Variants in GLI3 observed in about 807,000 individuals in gnomAD.
GLI3 encodes the protein GLI family zinc finger 3, also known as transcription activator GLI3.
GLI3 carries 20 observed loss-of-function variants against 100.8 expected under a neutral mutation model. That is an observed-to-expected ratio of 0.20 (90% CI 0.14 to 0.29). GLI3 has a LOEUF of 0.29. Among genes scored for constraint, GLI3 ranks in the 10% least tolerant of loss-of-function variants. The pLI is 1.00. For missense variants in GLI3, 2,040 were observed against 2,128.5 expected (o/e 0.96, Z 0.82); for synonymous variants, 938 against 860.5 (o/e 1.09, Z -1.58).
chr7:42,073,067 C>T (rs1311186939), intron 4 of GLI3, among the ~76,000 whole-genome samples: 1 of 152,184 alleles, frequency 6.6e-6, no homozygotes, highest in African/African-American at 2.4e-5. Context: ...AGGAATTGTA[C>T]ATTTTATAAC....
At chr7:42,211,236 G>C (rs1430727757) in intron 2 of GLI3, among the ~76,000 whole-genome samples, 1 of 151,796 alleles carries the variant, frequency 6.6e-6, no homozygotes, top group Non-Finnish European at 1.5e-5. Flanking sequence ...TTGTCAGAGG[G>C]CACATGTTTT....
chr7:42,184,489 T>A (rs1787679975), intron 2 of GLI3, among the ~76,000 whole-genome samples: 1 of 152,238 alleles, frequency 6.6e-6, no homozygotes, highest in South Asian at 2.1e-4. Context: ...GCGGGCCTGC[T>A]CTTCCTACAG....
At chr7:42,107,033 GTGTCAGGTGT>G (rs1785592630) in intron 3 of GLI3, among the ~76,000 whole-genome samples, 1 of 152,150 alleles carries the variant, frequency 6.6e-6, no homozygotes. Flanking sequence ...ACACAAAATT[GTGTCAGGTGT>G]GGCGGCTCAC....
rs1348941856 is a variant in GLI3 at position 41,967,725 on chromosome 7, T to G, written c.2302A>C (p.Asn768His). 1.9e-6 allele frequency: 3 copies of G among 1,614,228 alleles called. No homozygotes were observed. Among genetic ancestry groups the G allele is most frequent in the Non-Finnish European group, 2.5e-6 (3 of 1,180,036 alleles). The change falls in exon 14 of 15, where the codon AAC (asparagine) becomes CAC (histidine). Residue 768 changes from asparagine to histidine, a missense_variant. By Grantham distance (68) the Asn-to-His change is moderately conservative. Around this residue, in one of 5 missense-constraint regions of GLI3, gnomAD observed 327 missense variants for 338.7 expected, o/e 0.97. Transcript: ENST00000395925. ...TCCATCCATTTGGTCCCTGCCGGGT[T>G]TCTCCTGGCTTGCAAAGCAAGGGCT... ...TTALALQARR[N>H]PAGTKWMEHV... is the part of the protein sequence containing the mutation.
At chr7:42,198,400 G>A (rs1342222618) in intron 2 of GLI3, among the ~76,000 whole-genome samples, 6 of 152,250 alleles carry the variant, frequency 3.9e-5, no homozygotes, top group East Asian at 3.9e-4. Flanking sequence ...GAGCACAAGC[G>A]AGAAAACACT....
At chr7:42,206,562 A>G (rs983704190) in intron 2 of GLI3, among the ~76,000 whole-genome samples, 1 of 152,192 alleles carries the variant, frequency 6.6e-6, no homozygotes, top group African/African-American at 2.4e-5. Flanking sequence ...CACTTCATAC[A>G]TATGAATTCA....
chr7:42,126,235 A>G (rs1786128111), intron 3 of GLI3, among the ~76,000 whole-genome samples: 1 of 152,212 alleles, frequency 6.6e-6, no homozygotes, highest in Non-Finnish European at 1.5e-5. Flanking sequence ...ATTTGAGGAG[A>G]AGGAAAACTG....
chr7:42,009,975 T>C (rs980096811), intron 10 of GLI3, among the ~76,000 whole-genome samples: 1 of 152,232 alleles, frequency 6.6e-6, no homozygotes, highest in African/African-American at 2.4e-5. Context: ...TCCACATATT[T>C]ACTTTCTTTC....
At chr7:42,182,703 TAC>T (rs1185017451) in intron 2 of GLI3, among the ~76,000 whole-genome samples, 1 of 104,234 alleles carries the variant, frequency 9.6e-6, no homozygotes, top group African/African-American at 4.8e-5. Flanking sequence ...TATATATATA[TAC>T]ACACATATAA....
At position 41,966,876 on chromosome 7, in the gene GLI3, CAG is replaced by C. The variant is rs554443484; in HGVS notation, c.2432-237_2432-236del. Among the ~76,000 whole-genome samples, 12 of 152,094 alleles carry C rather than the reference CAG, an allele frequency of 7.9e-5. No individual in the cohort carries two copies. The highest frequency in any genetic ancestry group is 1.4e-4 in the African/African-American group (6 of 41,478). ...GTCCATGAAGCTTCCTTTACAAAAA[CAG>C]GGGCGGCTGGAGATGGCCGCAGGCT... is the stretch of plus-strand genomic sequence containing the variant. On this transcript the variant is annotated intron_variant, in intron 14 of 14. Coordinates refer to ENST00000395925, the MANE Select transcript of GLI3 (RefSeq NM_000168.6). The surrounding 1 kb of genome is among the most constrained non-coding windows in gnomAD (Gnocchi z 5.8).
intron 6 of GLI3, 90 bp from the exon 7 acceptor site, chr7:42,040,329 G>C: frequency 1.0e-6 from 1 of 1,000,516 alleles, no homozygotes; most frequent in Non-Finnish European, 1.6e-6. Context: ...AAGAAGTGAA[G>C]GATAAGAAGC....
intron 3 of GLI3, among the ~76,000 whole-genome samples, chr7:42,110,931 G>A (rs1045123133): frequency 7.2e-5 from 11 of 152,232 alleles, no homozygotes; most frequent in South Asian, 6.2e-4. Flanking sequence ...GTTTGAGAAC[G>A]ACAAGAGTCC....
chr7:41,979,171 C>T (rs1300671352), intron 10 of GLI3, among the ~76,000 whole-genome samples: 1 of 152,246 alleles, frequency 6.6e-6, no homozygotes, highest in East Asian at 1.9e-4. Context: ...CCAACTCTCA[C>T]ATGCTGGGCC....
At chr7:42,037,744 C>G (rs1005422807) in intron 7 of GLI3, among the ~76,000 whole-genome samples, 2 of 152,160 alleles carry the variant, frequency 1.3e-5, no homozygotes, top group Non-Finnish European at 2.9e-5. Flanking sequence ...TCTTCCATCT[C>G]TAATGATATA....
At chr7:42,030,657 C>T (rs1450247631) in intron 7 of GLI3, among the ~76,000 whole-genome samples, 1 of 149,892 alleles carries the variant, frequency 6.7e-6, no homozygotes, top group Non-Finnish European at 1.5e-5. Context: ...ATTCATTCCA[C>T]AATTTCCTAC....
intron 4 of GLI3, among the ~76,000 whole-genome samples, chr7:42,068,180 C>G (rs763214011): frequency 3.3e-5 from 5 of 152,222 alleles, no homozygotes; most frequent in Admixed American, 6.5e-5. Flanking sequence ...TCTAGCATCG[C>G]ACTTGATGTT....
intron 1 of GLI3, among the ~76,000 whole-genome samples, chr7:42,228,241 G>T (rs1788623523): frequency 2.0e-5 from 3 of 152,160 alleles, no homozygotes; most frequent in African/African-American, 4.8e-5. Flanking sequence ...AACAGAACAT[G>T]CTGGATTGCT....
intron 1 of GLI3, among the ~76,000 whole-genome samples, chr7:42,224,253 C>T (rs570044831): frequency 1.3e-5 from 2 of 152,348 alleles, no homozygotes; most frequent in African/African-American, 4.8e-5. Flanking sequence ...GAAAGCATTT[C>T]TTAGGTCTGG....
chr7:42,190,424 T>C (rs749987062), intron 2 of GLI3, among the ~76,000 whole-genome samples: 1 of 152,290 alleles, frequency 6.6e-6, no homozygotes, highest in Middle Eastern at 3.4e-3. Flanking sequence ...AAAAAGTGTA[T>C]TTCAAAATTC....
Sources: gnomAD v4.1 joint callset for allele counts (sites outside exome capture counted in the v4.1 genomes callset) on GRCh38, gnomAD v4.1.1 for gene constraint, gnomAD v4.1.1 regional missense constraint, Gnocchi (gnomAD v3.1) non-coding constraint, MANE v1.5 for transcripts, NCBI Gene and HGNC (gene_info 2026-07-23, HGNC 2026-07-21) for gene names.